ABCB4: variants seen among roughly 807,000 people sequenced by gnomAD.
ABCB4 encodes the protein ATP binding cassette subfamily B member 4.
ABCB4 carries 76 observed loss-of-function variants against 145.7 expected under a neutral mutation model. The observed-to-expected ratio is 0.52, with a 90% CI of 0.43 to 0.63. The LOEUF (loss-of-function observed/expected upper bound fraction) is 0.63, where lower values mean the gene tolerates loss of function less well. Among genes scored for constraint, ABCB4 ranks in the 30% least tolerant of loss-of-function variants. The pLI is 0.00. For missense variants in ABCB4, 1,234 were observed against 1,553.1 expected (o/e 0.79, Z 3.45); for synonymous variants, 517 against 566.8 (o/e 0.91, Z 1.25).
At chr7:87,433,923 C>T (rs1048922893) in intron 14 of ABCB4, among the ~76,000 whole-genome samples, 13 of 150,944 alleles carry the variant, frequency 8.6e-5, no homozygotes, top group Admixed American at 7.9e-4. Context: ...ACCATAAAAT[C>T]ACCGTTTTCA....
downstream of ABCB4, among the ~76,000 whole-genome samples, chr7:87,397,350 C>CA (rs11429478): frequency 0.89 from 130,353 of 146,242 alleles, 58,136 homozygotes; most frequent in Middle Eastern, 0.94. Context: ...GACTCTTTCT[C>CA]AAAAAAAAAA....
In ABCB4 at chr7:87,475,395, C is replaced by T. The variant is rs1316774479; in HGVS notation, c.71G>A (p.Gly24Asp). Residue 24 changes from glycine to aspartate, a missense_variant, in exon 2 of 28, where the codon GGC becomes GAC. Physicochemically the swap from Gly to Asp is moderately conservative, Grantham distance 94. Transcript: ENST00000649586. Reference sequence around the variant, plus strand: ...GCTGCTGGGGATGTACCTGCTGATGCCCAGTTCAAAGTCGCCCTCCGCGCT... The same window carrying T: ...GCTGCTGGGGATGTACCTGCTGATGTCCAGTTCAAAGTCGCCCTCCGCGCT... ...PTSAEGDFEL[G>D]ISSKQKRKKT... 3 of 1,614,118 alleles carry T rather than the reference C, an allele frequency of 1.9e-6. No homozygotes were observed. Among genetic ancestry groups the T allele is most frequent in the Non-Finnish European group, 2.5e-6 (3 of 1,180,040 alleles).
intron 4 of ABCB4, among the ~76,000 whole-genome samples, chr7:87,458,183 T>G (rs1037421666): frequency 2.0e-5 from 3 of 152,194 alleles, no homozygotes; most frequent in Non-Finnish European, 4.4e-5. Flanking sequence ...CAGAATTTTC[T>G]AGACTATTAT....
At chr7:87,459,336 C>T (rs1812304333) in intron 4 of ABCB4, among the ~76,000 whole-genome samples, 1 of 152,150 alleles carries the variant, frequency 6.6e-6, no homozygotes, top group South Asian at 2.1e-4. Flanking sequence ...AACCACCATT[C>T]CACTTGCGTT....
chr7:87,367,760 C>T, the ABCB4 span, among the ~76,000 whole-genome samples: 1 of 152,088 alleles, frequency 6.6e-6, no homozygotes, highest in Non-Finnish European at 1.5e-5. Context: ...CTTGATTGTT[C>T]CAGTCTGTAA....
At chr7:87,375,765 C>A in the ABCB4 span, 1 of 1,611,990 alleles carries the variant, frequency 6.2e-7, no homozygotes, top group Non-Finnish European at 8.5e-7. Context: ...TTTTCTCTAA[C>A]AAACTCTTTT....
chr7:87,442,818 A>G (rs1382592365), intron 12 of ABCB4, among the ~76,000 whole-genome samples: 1 of 152,174 alleles, frequency 6.6e-6, no homozygotes, highest in East Asian at 1.9e-4. Flanking sequence ...CTAGGCTATT[A>G]CTGTCTCTGT....
Position 87,417,467 on chromosome 7 carries a change from C to G in ABCB4, c.2527G>C (p.Gly843Arg), listed in dbSNP as rs1015400607. The change falls in exon 21 of 28, where the codon GGA (glycine) becomes CGA (arginine). Residue 843 changes from glycine to arginine, a missense_variant. Physicochemically the swap from Gly to Arg is moderately radical, Grantham distance 125. Transcript: ENST00000649586. Reference sequence around the variant, plus strand: ...ATAAATGATATGATAATACCAGTTCCAAGGTTAGCTATATTCTGTGCAATT... The same window carrying G: ...ATAAATGATATGATAATACCAGTTCGAAGGTTAGCTATATTCTGTGCAATT... ...ALIAQNIANLGTGIIISFIYG... is the reference protein window; with the variant it reads ...ALIAQNIANLRTGIIISFIYG... 1 of 1,614,134 alleles carries G rather than the reference C, an allele frequency of 6.2e-7. No individual in the cohort carries two copies. The highest frequency in any genetic ancestry group is 8.5e-7 in the Non-Finnish European group (1 of 1,180,016).
At chr7:87,459,987 T>G (rs917533401) in intron 4 of ABCB4, among the ~76,000 whole-genome samples, 2 of 152,062 alleles carry the variant, frequency 1.3e-5, no homozygotes, top group African/African-American at 4.8e-5. Context: ...AATTCAGGAG[T>G]TGGAGAAACG....
intron 25 of ABCB4, 98 bp from the exon 26 acceptor site, chr7:87,406,592 G>T: frequency 4.6e-6 from 6 of 1,316,334 alleles, no homozygotes; most frequent in Non-Finnish European, 4.2e-6. Flanking sequence ...TTGCATGAGG[G>T]TGTCAGCAGC....
At chr7:87,471,485 A>G (rs1367101440) in intron 3 of ABCB4, among the ~76,000 whole-genome samples, 4 of 152,182 alleles carry the variant, frequency 2.6e-5, no homozygotes, top group Non-Finnish European at 5.9e-5. Flanking sequence ...GCCCTTACTG[A>G]GGCTTTTTAA....
the ABCB4 span, among the ~76,000 whole-genome samples, chr7:87,369,086 C>T: frequency 1.3e-5 from 2 of 152,066 alleles, no homozygotes; most frequent in African/African-American, 4.8e-5. Context: ...ATTTCTGTTC[C>T]TAAGTAAAAT....
At chr7:87,395,896 G>A in the ABCB4 span, among the ~76,000 whole-genome samples, 1 of 152,150 alleles carries the variant, frequency 6.6e-6, no homozygotes, top group Non-Finnish European at 1.5e-5. Context: ...ACCAAGGATT[G>A]TCTTTTACCC....
At chr7:87,447,706 A>G (rs1270153441) in intron 8 of ABCB4, among the ~76,000 whole-genome samples, 3 of 152,246 alleles carry the variant, frequency 2.0e-5, no homozygotes, top group African/African-American at 7.2e-5. Context: ...GTTGTTGTAC[A>G]TAAACATAGG....
At chr7:87,415,647 T>G (rs568598286) in intron 21 of ABCB4, among the ~76,000 whole-genome samples, 2 of 152,338 alleles carry the variant, frequency 1.3e-5, no homozygotes, top group Admixed American at 6.5e-5. Context: ...ATTTCTCATT[T>G]TACTAAGGTA....
In ABCB4 at chr7:87,451,607, C is replaced by G; in HGVS notation, c.708+16G>C. The G allele has an allele frequency of 6.2e-7, 1 of 1,614,072 alleles. No individual in the cohort carries two copies. Among genetic ancestry groups the G allele is most frequent in the Non-Finnish European group, 8.5e-7 (1 of 1,179,976 alleles). On this transcript the variant is annotated intron_variant, in intron 7 of 27. Transcript: ENST00000649586. ...GCAGGGGTTAACACACATAAAAAGG[C>G]CCAGCTTTCACATACCTTTGCCCAA...
chr7:87,464,115 G>A (rs956410906), intron 3 of ABCB4, among the ~76,000 whole-genome samples: 1 of 152,158 alleles, frequency 6.6e-6, no homozygotes, highest in African/African-American at 2.4e-5. Flanking sequence ...AGAGGGTGAT[G>A]AGCCAGGCTT....
chr7:87,421,533 T>C (rs927687500), intron 18 of ABCB4, among the ~76,000 whole-genome samples: 1 of 152,346 alleles, frequency 6.6e-6, no homozygotes, highest in Non-Finnish European at 1.5e-5. Flanking sequence ...AAGAGAAGCA[T>C]GCTGGCATGA....
At chr7:87,467,809 GA>G (rs367790162) in intron 3 of ABCB4, among the ~76,000 whole-genome samples, 2,805 of 152,288 alleles carry the variant, frequency 0.018, 45 homozygotes, top group Middle Eastern at 0.071. Context: ...GGCACATAAC[GA>G]AATGAAGGCA....
Sources: allele counts gnomAD v4.1 joint callset (sites outside exome capture counted in the v4.1 genomes callset), GRCh38; gene constraint gnomAD v4.1.1; transcripts MANE v1.5; gene names NCBI Gene and HGNC (gene_info 2026-07-23, HGNC 2026-07-21).